The following XDH variants were observed in gnomAD, a reference collection of about 807,000 sequenced individuals.
XDH encodes the protein xanthine dehydrogenase/oxidase.
A neutral mutation model predicts 156.1 loss-of-function variants in XDH; 138 were observed. The ratio of observed to expected loss-of-function variants is 0.88; its 90% confidence interval spans 0.77 to 1.02. XDH has a LOEUF of 1.02. Ranked by LOEUF, XDH falls within the 50% of genes least tolerant of loss-of-function variation. The pLI is 0.00. For missense variants in XDH, 1,849 were observed against 1,684.9 expected, an observed-to-expected ratio of 1.10 and a Z score of -1.71; for synonymous variants, 669 against 625.7, an observed-to-expected ratio of 1.07 and a Z score of -1.03.
chr2:31,375,328 T>C, intron 15 of XDH, 52 bp downstream of exon 15: 1 of 1,612,902 alleles, frequency 6.2e-7, no homozygotes, highest in Non-Finnish European at 8.5e-7. Flanking sequence ...ACCAACTTCT[T>C]ATATCCCCAA....
intron 23 of XDH, among the ~76,000 whole-genome samples, 180 bp from the exon 24 acceptor site, chr2:31,364,424 G>T (rs1558687341): frequency 6.6e-6 from 1 of 151,948 alleles, no homozygotes; most frequent in Non-Finnish European, 1.5e-5. Flanking sequence ...AAGAAGAGAG[G>T]AACTGACCTC....
intron 28 of XDH, 56 bp downstream of exon 28, chr2:31,348,212 T>C (rs947382055): frequency 6.3e-7 from 1 of 1,581,146 alleles, no homozygotes; most frequent in Non-Finnish European, 8.7e-7. Flanking sequence ...ACTGCTCAAT[T>C]TCTTATACCA....
chr2:31,401,225 C>T lies in XDH; in HGVS notation c.301G>A (p.Val101Met), dbSNP rs773652954. 4.3e-6 allele frequency: 7 copies of T among 1,614,156 alleles called. No individual in the cohort carries two copies. Among genetic ancestry groups the T allele is most frequent in the Admixed American group, 1.7e-5 (1 of 60,032 alleles). ...IGSTKTRLHP[V>M]QERIAKSHGS... is the part of the protein sequence containing the mutation. Reference sequence around the variant, plus strand: ...GCTCCCTTTCCTCTGTTTACCTGCACAGGATGCAGCCTCGTCTTGGTGCTT... The same window carrying T: ...GCTCCCTTTCCTCTGTTTACCTGCATAGGATGCAGCCTCGTCTTGGTGCTT... The change falls in exon 4 of 36, where the codon GTG becomes ATG. Residue 101 changes from valine to methionine, a missense_variant. Coordinates refer to ENST00000379416, the MANE Select transcript of XDH (RefSeq NM_000379.4).
chr2:31,346,895 A>C, intron 29 of XDH, 52 bp from the exon 30 acceptor site: 1 of 1,612,358 alleles, frequency 6.2e-7, no homozygotes, highest in Non-Finnish European at 8.5e-7. Context: ...TGCATTCTGT[A>C]GCCCAGGCAA....
intron 13 of XDH, among the ~76,000 whole-genome samples, chr2:31,378,133 A>G (rs1191302216): frequency 8.6e-5 from 7 of 81,410 alleles, no homozygotes; most frequent in Admixed American, 3.7e-4. Context: ...GAAGGAAGGA[A>G]GGAAGGAAGG....
At chr2:31,397,590 G>A in intron 6 of XDH, 78 bp downstream of exon 6, 2 of 1,553,142 alleles carry the variant, frequency 1.3e-6, no homozygotes, top group South Asian at 1.1e-5. Context: ...AGAGGCCCTT[G>A]GTCTCCCTCC....
intron 24 of XDH, among the ~76,000 whole-genome samples, chr2:31,363,043 G>A (rs1025868238): frequency 6.6e-6 from 1 of 152,230 alleles, no homozygotes; most frequent in African/African-American, 2.4e-5. Context: ...CGGATGCAGT[G>A]GTTCACGCCT....
intron 16 of XDH, 47 bp from the exon 17 acceptor site, chr2:31,372,444 C>T: frequency 1.2e-6 from 2 of 1,612,636 alleles, no homozygotes; most frequent in Admixed American, 1.7e-5. Flanking sequence ...AAGGACACTG[C>T]CCCTCTATGG....
chr2:31,389,331 C>T (rs547291921), intron 6 of XDH, among the ~76,000 whole-genome samples: 158 of 152,238 alleles, frequency 1.0e-3, no homozygotes, highest in Admixed American at 1.9e-3. Flanking sequence ...GAGAGAAACA[C>T]CCCACCCACC....
intron 24 of XDH, among the ~76,000 whole-genome samples, chr2:31,360,358 C>G (rs947839738): frequency 1.2e-4 from 18 of 151,958 alleles, no homozygotes; most frequent in African/African-American, 4.1e-4. Flanking sequence ...ATTAGCTGGG[C>G]GTGGTGGGGC....
At chr2:31,395,807 T>C (rs1173320958) in intron 6 of XDH, among the ~76,000 whole-genome samples, 1 of 152,238 alleles carries the variant, frequency 6.6e-6, no homozygotes, top group African/African-American at 2.4e-5. Flanking sequence ...AAACAACTGT[T>C]GATTCTTCAG....
At chr2:31,385,545 C>T (rs1686566206) in intron 9 of XDH, among the ~76,000 whole-genome samples, 1 of 152,206 alleles carries the variant, frequency 6.6e-6, no homozygotes, top group Non-Finnish European at 1.5e-5. Flanking sequence ...TGCCCCTCCA[C>T]AGCAGAGGTC....
intron 27 of XDH, 30 bp from the exon 28 acceptor site, chr2:31,348,393 A>C: frequency 6.2e-7 from 1 of 1,604,722 alleles, no homozygotes; most frequent in Non-Finnish European, 8.5e-7. Context: ...CCAGACACAA[A>C]ATTCAGTAAA....
Position 31,339,513 on chromosome 2 carries a change from G to T in XDH, c.3750C>A (p.Asn1250Lys). 1.2e-6 allele frequency: 2 copies of T among 1,614,230 alleles called. No homozygotes were observed. The highest frequency in any genetic ancestry group is 8.5e-7 in the Non-Finnish European group (1 of 1,180,046). ...CCTTCGATGCATAGATGGCCTTCTT[G>T]TTGGGGCAGTCGCGGAGCAGGGACA... ...FRVSLLRDCP[N>K]KKAIYASKAV... Residue 1250 changes from asparagine to lysine, a missense_variant, in exon 34 of 36, where the codon AAC (asparagine) becomes AAA (lysine). Physicochemically the swap from Asn to Lys is moderately conservative, Grantham distance 94. Transcript: ENST00000379416.
At chr2:31,409,627 G>C (rs1464136408) in intron 1 of XDH, among the ~76,000 whole-genome samples, 1 of 152,092 alleles carries the variant, frequency 6.6e-6, no homozygotes, top group East Asian at 1.9e-4. Context: ...TCTACAAATG[G>C]CCAGCAAATA....
intron 15 of XDH, among the ~76,000 whole-genome samples, chr2:31,374,190 G>T (rs1325887883): frequency 6.6e-6 from 1 of 152,014 alleles, no homozygotes. Context: ...AGACTGAATG[G>T]TCTGTACTTT....
chr2:31,411,457 T>C (rs1450377957), intron 1 of XDH, among the ~76,000 whole-genome samples: 1 of 152,086 alleles, frequency 6.6e-6, no homozygotes, highest in East Asian at 1.9e-4. Context: ...CATACATGTG[T>C]ATCTGTGTGT....
chr2:31,370,565 G>T, intron 17 of XDH, 87 bp from the exon 18 acceptor site: 1 of 1,557,762 alleles, frequency 6.4e-7, no homozygotes, highest in South Asian at 1.1e-5. Flanking sequence ...TTCTTATTTT[G>T]ATTGGCTTGG....
At position 31,404,639 on chromosome 2, in the gene XDH, T is replaced by C. The variant is rs1424377062; in HGVS notation, c.100+1268A>G. On this transcript the variant is annotated intron_variant, in intron 2 of 35. Transcript: ENST00000379416. The stretch of plus-strand genomic sequence containing the variant: ...TATTATTAGAAAGCTAAAATTGATC[T>C]CAATAATCTCTGAGAATGAGCTTCT... 2.0e-5 allele frequency among the ~76,000 whole-genome samples: 3 copies of C among 152,312 alleles called. No individual in the cohort carries two copies. In the East Asian group the frequency reaches 5.8e-4, roughly 29 times the overall value.
Sources: gnomAD v4.1 joint callset for allele counts (sites outside exome capture counted in the v4.1 genomes callset) on GRCh38, gnomAD v4.1.1 for gene constraint, MANE v1.5 for transcripts, NCBI Gene and HGNC (gene_info 2026-07-23, HGNC 2026-07-21) for gene names.